SHISA9: variants seen among roughly 807,000 people sequenced by gnomAD.
SHISA9 encodes the protein shisa family member 9, also known as protein shisa-9.
Under a neutral mutation model 38.0 loss-of-function variants are expected in SHISA9, and 13 were observed. The ratio of observed to expected loss-of-function variants is 0.34; its 90% CI spans 0.22 to 0.54. The LOEUF is 0.54. Among genes scored for constraint, SHISA9 ranks in the 20% least tolerant of loss-of-function variants. The pLI, the probability that SHISA9 is intolerant of heterozygous loss-of-function variation, is 0.91. For synonymous variants in SHISA9, 275 were observed against 242.0 expected (o/e 1.14, Z -1.27); for missense variants, 538 against 575.8 (o/e 0.93, Z 0.67).
At chr16:13,368,109 C>T in the SHISA9 span, among the ~76,000 whole-genome samples, 1 of 152,114 alleles carries the variant, frequency 6.6e-6, no homozygotes, top group Non-Finnish European at 1.5e-5. Flanking sequence ...AGTGTTAATT[C>T]AACCAGGTCA....
intron 2 of SHISA9, among the ~76,000 whole-genome samples, chr16:13,121,785 AC>A (rs1354558275): frequency 6.6e-6 from 1 of 151,362 alleles, no homozygotes; most frequent in African/African-American, 2.4e-5. Context: ...TACAATGAAC[AC>A]TATTGCTTTT....
At chr16:12,929,659 C>A (rs1877956072) in intron 2 of SHISA9, among the ~76,000 whole-genome samples, 1 of 151,398 alleles carries the variant, frequency 6.6e-6, no homozygotes, top group African/African-American at 2.4e-5. Context: ...GGAGGGAGAG[C>A]ATCAGGAAGA....
At chr16:12,964,198 G>A (rs2071948567) in intron 2 of SHISA9, among the ~76,000 whole-genome samples, 1 of 152,204 alleles carries the variant, frequency 6.6e-6, no homozygotes, top group African/African-American at 2.4e-5. Flanking sequence ...TACAGATGGA[G>A]CTGATCTTGA....
At chr16:13,387,924 C>A in the SHISA9 span, among the ~76,000 whole-genome samples, 1 of 151,778 alleles carries the variant, frequency 6.6e-6, no homozygotes, top group Non-Finnish European at 1.5e-5. Context: ...TGAAAATCCC[C>A]TCCTAGAAAA....
At chr16:13,492,570 T>TGCC in the SHISA9 span, among the ~76,000 whole-genome samples, 1 of 152,130 alleles carries the variant, frequency 6.6e-6, no homozygotes, top group Non-Finnish European at 1.5e-5. Flanking sequence ...GACTGTCGGC[T>TGCC]GCCAAAAGCA....
At chr16:13,060,144 G>T (rs1402504036) in intron 2 of SHISA9, among the ~76,000 whole-genome samples, 2 of 152,158 alleles carry the variant, frequency 1.3e-5, no homozygotes, top group Non-Finnish European at 2.9e-5. Flanking sequence ...AGACGGGCCT[G>T]GCTCCAAGGT....
chr16:13,124,951 A>T (rs541311144), intron 2 of SHISA9, among the ~76,000 whole-genome samples: 1 of 152,202 alleles, frequency 6.6e-6, no homozygotes, highest in African/African-American at 2.4e-5. Context: ...CTCTCTCACC[A>T]TATACCAAAA....
chr16:13,068,664 C>T (rs1275660214), intron 2 of SHISA9, among the ~76,000 whole-genome samples: 3 of 152,192 alleles, frequency 2.0e-5, no homozygotes, highest in Non-Finnish European at 4.4e-5. Flanking sequence ...TGTGGCTGGG[C>T]CATTAAGAAG....
At chr16:13,522,792 A>G in the SHISA9 span, among the ~76,000 whole-genome samples, 3 of 152,184 alleles carry the variant, frequency 2.0e-5, no homozygotes, top group East Asian at 1.9e-4. Flanking sequence ...TAGGGCAGCT[A>G]GTTTACAGCC....
chr16:13,147,530 C>A, intron 2 of SHISA9, among the ~76,000 whole-genome samples: 1 of 122,060 alleles, frequency 8.2e-6, no homozygotes, highest in East Asian at 2.8e-4. Context: ...ATGGCGTGAT[C>A]TTGGCTCACT....
At chr16:13,419,152 T>G in the SHISA9 span, among the ~76,000 whole-genome samples, 15 of 152,386 alleles carry the variant, frequency 9.8e-5, no homozygotes, top group African/African-American at 3.6e-4. Context: ...CTCCAGGGTT[T>G]AGTATCTAAT....
At chr16:13,539,608 CTTTTA>C in the SHISA9 span, among the ~76,000 whole-genome samples, 132 of 152,080 alleles carry the variant, frequency 8.7e-4, no homozygotes, top group South Asian at 0.011. Context: ...GAATTTCCAA[CTTTTA>C]TTTTAGGTTC....
intron 2 of SHISA9, among the ~76,000 whole-genome samples, chr16:13,148,997 C>T (rs984436640): frequency 7.2e-5 from 11 of 152,072 alleles, no homozygotes; most frequent in South Asian, 2.1e-4. Flanking sequence ...CCCTCAGTGA[C>T]GGAAGTGCAA....
At chr16:12,908,135 A>C (rs144526836) in intron 1 of SHISA9, among the ~76,000 whole-genome samples, 5,193 of 30,200 alleles carry the variant, frequency 0.17, 120 homozygotes, top group Non-Finnish European at 0.26. Context: ...TGTCACAACT[A>C]TTACCCTTTT....
At chr16:13,554,525 T>G in the SHISA9 span, among the ~76,000 whole-genome samples, 1 of 151,324 alleles carries the variant, frequency 6.6e-6, no homozygotes, top group Non-Finnish European at 1.5e-5. Context: ...TCTTTTTTTT[T>G]TTTTGATGGA....
intron 2 of SHISA9, among the ~76,000 whole-genome samples, chr16:12,951,703 A>G (rs1039481383): frequency 3.3e-5 from 5 of 152,056 alleles, no homozygotes; most frequent in Non-Finnish European, 7.4e-5. Context: ...CTATAGTTCA[A>G]TTTCTCTCCT....
At chr16:13,196,884 A>G (rs2050948884) in intron 2 of SHISA9, among the ~76,000 whole-genome samples, 2 of 152,226 alleles carry the variant, frequency 1.3e-5, no homozygotes, top group Admixed American at 1.3e-4. Context: ...ACCTGAGGTC[A>G]GGAGTTCAGG....
chr16:12,957,053 T>C (rs867397238), intron 2 of SHISA9, among the ~76,000 whole-genome samples: 107 of 152,312 alleles, frequency 7.0e-4, no homozygotes, highest in African/African-American at 2.5e-3. Flanking sequence ...AGGTATCATT[T>C]TGGAGAGTAT....
chr16:13,511,087 A>G, the SHISA9 span, among the ~76,000 whole-genome samples: 4 of 152,318 alleles, frequency 2.6e-5, no homozygotes, highest in East Asian at 5.8e-4. Context: ...AAGACCAAAT[A>G]TGACTAATTT....
Sources: allele counts gnomAD v4.1 joint callset (sites outside exome capture counted in the v4.1 genomes callset), GRCh38; gene constraint gnomAD v4.1.1; transcripts MANE v1.5; gene names NCBI Gene and HGNC (gene_info 2026-07-23, HGNC 2026-07-21).